Variants in UNC5C observed in about 807,000 individuals in gnomAD.
UNC5C encodes netrin receptor UNC5C.
Under a neutral mutation model 99.8 loss-of-function variants are expected in UNC5C, and 47 were observed. The observed-to-expected ratio is 0.47, with a 90% CI of 0.37 to 0.60. The LOEUF is 0.60. Among genes scored for constraint, UNC5C ranks in the 20% least tolerant of loss-of-function variants. The pLI, the probability that UNC5C is intolerant of heterozygous loss-of-function variation, is 0.00. For missense variants in UNC5C, 1,062 were observed against 1,165.9 expected (o/e 0.91, Z 1.30); for synonymous variants, 487 against 452.2 (o/e 1.08, Z -0.98).
intron 1 of UNC5C, among the ~76,000 whole-genome samples, chr4:95,357,817 A>C (rs1744261463): frequency 6.6e-6 from 1 of 152,034 alleles, no homozygotes; most frequent in Admixed American, 6.6e-5. Flanking sequence ...CAAAAATGAC[A>C]ACCACAAAAA....
At chr4:95,446,263 T>C (rs1479602309) in intron 1 of UNC5C, among the ~76,000 whole-genome samples, 1 of 151,838 alleles carries the variant, frequency 6.6e-6, no homozygotes, top group Non-Finnish European at 1.5e-5. Flanking sequence ...AGGGAAAGGC[T>C]GTAGGAAAAA....
At chr4:95,526,860 A>T (rs1292447658) in intron 1 of UNC5C, among the ~76,000 whole-genome samples, 1 of 152,102 alleles carries the variant, frequency 6.6e-6, no homozygotes, top group Non-Finnish European at 1.5e-5. Flanking sequence ...ACAAAGTAAC[A>T]ATAAAAACAC....
chr4:95,439,080 C>A (rs1746873361), intron 1 of UNC5C, among the ~76,000 whole-genome samples: 1 of 152,072 alleles, frequency 6.6e-6, no homozygotes, highest in Admixed American at 6.6e-5. Context: ...CTCTTTCTAC[C>A]CTGTCATGTA....
At chr4:95,264,211 T>TA (rs139538040) in intron 4 of UNC5C, among the ~76,000 whole-genome samples, 61,193 of 151,892 alleles carry the variant, frequency 0.4, 14,145 homozygotes, top group Middle Eastern at 0.55. Flanking sequence ...AAAAATAGGG[T>TA]CATCCTACTT....
chr4:95,470,192 CTT>C (rs1560845311), intron 1 of UNC5C, among the ~76,000 whole-genome samples: 3 of 151,996 alleles, frequency 2.0e-5, no homozygotes. Flanking sequence ...ACATACCTAA[CTT>C]TATCTTAATT....
Position 95,203,761 on chromosome 4 carries a change from G to A in UNC5C, c.1903-797C>T, listed in dbSNP as rs537591735. Among the ~76,000 whole-genome samples, 5 of 152,284 alleles carry A rather than the reference G, an allele frequency of 3.3e-5. No individual in the cohort carries two copies. In the South Asian group the frequency reaches 1.0e-3, roughly 32 times the overall value. ...TTACAGGTGTGAGCCACCACGCCCA[G>A]CCACAACTTTTTAACATGTTTTATA... is the stretch of plus-strand genomic sequence containing the variant. On this transcript the variant is annotated intron_variant, in intron 11 of 15. Coordinates refer to ENST00000453304, the MANE Select transcript of UNC5C (RefSeq NM_003728.4).
intron 1 of UNC5C, among the ~76,000 whole-genome samples, chr4:95,541,162 G>A (rs899464713): frequency 6.6e-6 from 1 of 152,158 alleles, no homozygotes; most frequent in Non-Finnish European, 1.5e-5. Context: ...ACTTTCTGCA[G>A]TTTCAATTAC....
chr4:95,383,637 A>G (rs922629776), intron 1 of UNC5C, among the ~76,000 whole-genome samples: 1 of 152,196 alleles, frequency 6.6e-6, no homozygotes, highest in African/African-American at 2.4e-5. Context: ...GATTTCCATG[A>G]TATGGAAAAC....
At chr4:95,214,651 T>C (rs1738186622) in intron 10 of UNC5C, among the ~76,000 whole-genome samples, 1 of 152,228 alleles carries the variant, frequency 6.6e-6, no homozygotes, top group Non-Finnish European at 1.5e-5. Flanking sequence ...GATAATCTGA[T>C]GGAAAATAGG....
rs1436483481 is a variant in UNC5C at position 95,168,634 on chromosome 4, C to A, written c.*600G>T. 1 of 152,604 alleles carries A rather than the reference C, an allele frequency of 6.6e-6. No individual in the cohort carries two copies. Among genetic ancestry groups the A allele is most frequent in the Non-Finnish European group, 1.5e-5 (1 of 68,056 alleles). The allele number at this position is 152,604 out of a possible 1,614,324, so 9.5% of individuals were successfully genotyped here. A position where few individuals can be genotyped will look rare whatever the true frequency, so the allele number is the denominator to read the frequency against. On this transcript the variant is annotated 3_prime_UTR_variant, in exon 16 of 16. Transcript: ENST00000453304. ...TTTTTTACACTTAGATTCTCCACTT[C>A]CCTGATACAAACAGTAACACTGGTT...
chr4:95,225,075 G>A (rs1479969046), intron 7 of UNC5C, among the ~76,000 whole-genome samples: 1 of 152,094 alleles, frequency 6.6e-6, no homozygotes, highest in African/African-American at 2.4e-5. Context: ...GGTGGGCCAG[G>A]ATGAGGAGTC....
chr4:95,477,181 T>TA (rs992212528), intron 1 of UNC5C, among the ~76,000 whole-genome samples: 2 of 152,054 alleles, frequency 1.3e-5, no homozygotes, highest in African/African-American at 4.8e-5. Context: ...GGCTATGACA[T>TA]ATATTAGGTT....
chr4:95,340,027 C>A (rs749199887), intron 1 of UNC5C, among the ~76,000 whole-genome samples: 89 of 151,910 alleles, frequency 5.9e-4, no homozygotes, highest in Non-Finnish European at 1.8e-4. Context: ...TCAGTATTTC[C>A]TTTTTTCTGT....
At chr4:95,171,924 T>C (rs1345149063) in intron 14 of UNC5C, among the ~76,000 whole-genome samples, 9 of 151,848 alleles carry the variant, frequency 5.9e-5, no homozygotes, top group Non-Finnish European at 1.3e-4. Context: ...TTTTAATGAT[T>C]GCCATTCTAA....
chr4:95,194,449 T>C (rs988559066), intron 12 of UNC5C, among the ~76,000 whole-genome samples: 1 of 152,142 alleles, frequency 6.6e-6, no homozygotes, highest in East Asian at 1.9e-4. Flanking sequence ...ACAGTTCTCG[T>C]TGAGTTAAAA....
chr4:95,301,438 G>A (rs548896924), intron 3 of UNC5C, among the ~76,000 whole-genome samples, 168 bp downstream of exon 3: 5 of 152,088 alleles, frequency 3.3e-5, no homozygotes, highest in African/African-American at 2.4e-5. Context: ...CTTGTGATCC[G>A]CCCACCTCGG....
chr4:95,383,031 C>A (rs767760237), intron 1 of UNC5C, among the ~76,000 whole-genome samples: 1 of 152,274 alleles, frequency 6.6e-6, no homozygotes, highest in South Asian at 2.1e-4. Flanking sequence ...TTTCCATTTA[C>A]TGTATTGTTA....
chr4:95,529,004 T>C (rs1393924287), intron 1 of UNC5C, among the ~76,000 whole-genome samples: 1 of 152,128 alleles, frequency 6.6e-6, no homozygotes, highest in African/African-American at 2.4e-5. Context: ...ATCTCTCCTT[T>C]AATCTCTTCC....
At chr4:95,461,371 C>T (rs1315856432) in intron 1 of UNC5C, among the ~76,000 whole-genome samples, 1 of 98,198 alleles carries the variant, frequency 1.0e-5, no homozygotes, top group East Asian at 5.0e-4. Flanking sequence ...AGATGTTATG[C>T]TCTGTTACTA....
Sources: allele counts gnomAD v4.1 joint callset (sites outside exome capture counted in the v4.1 genomes callset), GRCh38; gene constraint gnomAD v4.1.1; transcripts MANE v1.5; gene names NCBI Gene and HGNC (gene_info 2026-07-23, HGNC 2026-07-21).